The following FAM13A variants were observed in gnomAD, a reference collection of about 807,000 sequenced individuals.
The protein encoded by FAM13A is family with sequence similarity 13 member A, also known as protein FAM13A.
In FAM13A, 76 loss-of-function variants were observed where a neutral mutation model predicts 129.6. The observed-to-expected ratio is 0.59, with a 90% confidence interval of 0.49 to 0.71. The LOEUF is 0.71. Ranked by LOEUF, FAM13A falls within the 30% of genes least tolerant of loss-of-function variation. FAM13A has a pLI of 0.00. For missense variants in FAM13A, 1,108 were observed against 1,249.3 expected, an observed-to-expected ratio of 0.89 and a Z score of 1.70; for synonymous variants, 443 against 449.9, an observed-to-expected ratio of 0.98 and a Z score of 0.20.
intron 3 of FAM13A, among the ~76,000 whole-genome samples, chr4:89,011,580 ATTAAT>A (rs1220518635): frequency 4.6e-5 from 7 of 152,092 alleles, no homozygotes; most frequent in African/African-American, 1.7e-4. Flanking sequence ...ATATATAAAT[ATTAAT>A]TTAACACTAA....
At chr4:88,869,331 G>C (rs1740970964) in intron 6 of FAM13A, among the ~76,000 whole-genome samples, 1 of 152,102 alleles carries the variant, frequency 6.6e-6, no homozygotes, top group East Asian at 1.9e-4. Flanking sequence ...TTTCATTTTG[G>C]AGATGTTCTC....
intron 13 of FAM13A, among the ~76,000 whole-genome samples, chr4:88,761,488 C>A (rs1744804794): frequency 6.6e-6 from 1 of 152,072 alleles, no homozygotes; most frequent in Admixed American, 6.5e-5. Context: ...GAATCAGCAA[C>A]AGAAATTTTG....
intron 1 of FAM13A, chr4:89,029,967 A>C (rs1768474784): frequency 4.5e-6 from 1 of 224,422 alleles, no homozygotes; most frequent in East Asian, 1.1e-4. Context: ...GTTAACAGGA[A>C]AATAAAACAT....
At chr4:88,958,341 TCC>T (rs1579496740) in intron 4 of FAM13A, among the ~76,000 whole-genome samples, 1 of 152,246 alleles carries the variant, frequency 6.6e-6, no homozygotes, top group East Asian at 1.9e-4. Flanking sequence ...CCACTCCAGC[TCC>T]AGCTCCAGCT....
chr4:88,877,090 G>A (rs1479662768), intron 6 of FAM13A, among the ~76,000 whole-genome samples: 2 of 152,112 alleles, frequency 1.3e-5, no homozygotes, highest in Admixed American at 1.3e-4. Flanking sequence ...TATCAATAAA[G>A]TTATAAATTC....
chr4:88,747,877 GAT>G, intron 17 of FAM13A, 26 bp from the exon 18 acceptor site: 1 of 1,442,000 alleles, frequency 6.9e-7, no homozygotes. Context: ...TGGGGGTAAA[GAT>G]ATATGAGATT....
chr4:89,031,435 C>A (rs1028919080), intron 1 of FAM13A, among the ~76,000 whole-genome samples: 1 of 152,136 alleles, frequency 6.6e-6, no homozygotes, highest in Non-Finnish European at 1.5e-5. Flanking sequence ...TTAGCTATAA[C>A]CTTGCACAAG....
At chr4:88,830,181 A>C (rs950108704) in intron 7 of FAM13A, among the ~76,000 whole-genome samples, 1 of 152,308 alleles carries the variant, frequency 6.6e-6, no homozygotes, top group South Asian at 2.1e-4. Flanking sequence ...TAGAGGAAAG[A>C]GGAAGGTGCA....
Position 88,955,050 on chromosome 4 carries a change from T to C in FAM13A, c.606-16809A>G, listed in dbSNP as rs188046244. 2.4e-4 allele frequency among the ~76,000 whole-genome samples: 36 copies of C among 152,248 alleles called. No individual in the cohort carries two copies. In the East Asian group the frequency reaches 5.2e-3, roughly 22 times the overall value. The stretch of plus-strand genomic sequence containing the variant: ...AGTCAGGGCAGTTAAAGAAACTCCA[T>C]AGAGCTTCCTTCATACCTCACCGTT... On this transcript the variant is annotated intron_variant, in intron 4 of 23. Coordinates refer to ENST00000264344, the MANE Select transcript of FAM13A (RefSeq NM_014883.4).
At chr4:88,866,202 A>G (rs1740408853) in intron 6 of FAM13A, among the ~76,000 whole-genome samples, 2 of 151,866 alleles carry the variant, frequency 1.3e-5, no homozygotes, top group African/African-American at 4.8e-5. Flanking sequence ...GCCTGCCACC[A>G]TGGCCCAGCT....
intron 6 of FAM13A, among the ~76,000 whole-genome samples, chr4:88,882,548 G>C (rs1743758849): frequency 6.7e-6 from 1 of 149,986 alleles, no homozygotes; most frequent in Non-Finnish European, 1.5e-5. Context: ...TACCAACATA[G>C]AACCTCCTTA....
At position 88,731,424 on chromosome 4, in the gene FAM13A, C is replaced by G. The variant is rs1203319908; in HGVS notation, c.2848G>C (p.Glu950Gln). ...LSNLHAASIP[E>Q]LLEHLQEMRE... The stretch of plus-strand genomic sequence containing the variant: ...ATTTCCTGGAGGTGTTCCAGGAGTT[C>G]AGGTCTAAGAGAGAGGAAGCATTGC... The change falls in exon 23 of 24, where the codon GAA becomes CAA. Residue 950 changes from glutamate to glutamine, a missense_variant. This residue lies in a region of FAM13A where 529 missense variants were observed against 621.2 expected (regional missense o/e 0.85). Coordinates refer to ENST00000264344, the MANE Select transcript of FAM13A (RefSeq NM_014883.4). 1.3e-6 allele frequency: 2 copies of G among 1,582,672 alleles called. No individual in the cohort carries two copies. The highest frequency in any genetic ancestry group is 1.7e-6 in the Non-Finnish European group (2 of 1,162,260).
chr4:89,021,682 G>A (rs1767275696), intron 2 of FAM13A, among the ~76,000 whole-genome samples: 1 of 152,146 alleles, frequency 6.6e-6, no homozygotes, highest in Admixed American at 6.5e-5. Context: ...GGAAGATTTA[G>A]CTAGCTAAGA....
chr4:88,944,273 G>A (rs1254024182), intron 4 of FAM13A, among the ~76,000 whole-genome samples: 1 of 152,136 alleles, frequency 6.6e-6, no homozygotes, highest in Non-Finnish European at 1.5e-5. Flanking sequence ...GACCTCTTGA[G>A]CTTAGAAGTT....
intron 4 of FAM13A, among the ~76,000 whole-genome samples, chr4:88,979,980 A>G (rs747323852): frequency 6.6e-6 from 1 of 152,182 alleles, no homozygotes; most frequent in Non-Finnish European, 1.5e-5. Flanking sequence ...AAAAGTAATT[A>G]ATTTTTCTAA....
intron 2 of FAM13A, among the ~76,000 whole-genome samples, chr4:89,026,022 T>C (rs978620323): frequency 2.0e-5 from 3 of 152,218 alleles, no homozygotes; most frequent in Non-Finnish European, 4.4e-5. Flanking sequence ...AATAAAAGTA[T>C]GATCAAGAGA....
chr4:88,993,865 TG>T (rs1382771013), intron 3 of FAM13A, among the ~76,000 whole-genome samples: 1 of 151,752 alleles, frequency 6.6e-6, no homozygotes, highest in Non-Finnish European at 1.5e-5. Context: ...CCAGGCATGG[TG>T]GCTAATCCCA....
chr4:89,037,506 A>G (rs530066018), intron 1 of FAM13A, among the ~76,000 whole-genome samples: 12 of 152,206 alleles, frequency 7.9e-5, no homozygotes, highest in Non-Finnish European at 1.6e-4. Flanking sequence ...TACAGAAGGG[A>G]CTTGCCTTGT....
rs192346192 is a variant in FAM13A at position 88,795,214 on chromosome 4, G to C, written c.1050-4587C>G. 2.3e-3 allele frequency among the ~76,000 whole-genome samples: 354 copies of C among 151,784 alleles called. 2 individuals carry two copies. The highest frequency in any genetic ancestry group is 5.8e-3 in the South Asian group (28 of 4,826). ...TGCATAATATACTAGAATATAAATTGAAAACATACTACATGGATATAACTC... is the reference window on the plus strand; with the variant it reads ...TGCATAATATACTAGAATATAAATTCAAAACATACTACATGGATATAACTC... On this transcript the variant is annotated intron_variant, in intron 8 of 23. Coordinates refer to ENST00000264344, the MANE Select transcript of FAM13A (RefSeq NM_014883.4).
Sources: gnomAD v4.1 joint callset for allele counts (sites outside exome capture counted in the v4.1 genomes callset) on GRCh38, gnomAD v4.1.1 for gene constraint, gnomAD v4.1.1 regional missense constraint, MANE v1.5 for transcripts, NCBI Gene and HGNC (gene_info 2026-07-23, HGNC 2026-07-21) for gene names.